PCID2: variants seen among roughly 807,000 people sequenced by gnomAD.
PCID2 encodes the protein PCI domain-containing protein 2.
In PCID2, 41 loss-of-function variants were observed where a neutral mutation model predicts 61.3. The observed-to-expected ratio is 0.67, with a 90% CI of 0.52 to 0.87. The LOEUF (loss-of-function observed/expected upper bound fraction) is 0.87, where lower values mean the gene tolerates loss of function less well. Ranked by LOEUF, PCID2 falls within the 40% of genes least tolerant of loss-of-function variation. The probability of loss-of-function intolerance (pLI) is 0.00; values close to 1 mark genes in which losing one functional copy is unlikely to be tolerated. For missense variants in PCID2, 392 were observed against 493.4 expected, an observed-to-expected ratio of 0.79 and a Z score of 1.95; for synonymous variants, 187 against 177.8, an observed-to-expected ratio of 1.05 and a Z score of -0.41.
chr13:113,179,880 C>A lies in PCID2; in HGVS notation c.986+37G>T. On this transcript the variant is annotated intron_variant, in intron 12 of 13. Transcript: ENST00000337344. The surrounding 1 kb of genome is among the most constrained non-coding windows in gnomAD (Gnocchi z 4.3). ...GGATGTCTGACTGCTCTGCCGAGAG[C>A]CACACTGGGAGCCCAATGTGCCGGG... 1 of 1,593,998 alleles carries A rather than the reference C, an allele frequency of 6.3e-7. No individual in the cohort carries two copies. Among genetic ancestry groups the A allele is most frequent in the Non-Finnish European group, 8.6e-7 (1 of 1,168,016 alleles).
intron 3 of PCID2, among the ~76,000 whole-genome samples, chr13:113,197,529 T>C (rs1483410591): frequency 1.3e-5 from 2 of 152,226 alleles, no homozygotes; most frequent in Non-Finnish European, 2.9e-5. Flanking sequence ...GGGCTGACAA[T>C]GACATTCAAA....
intron 7 of PCID2, chr13:113,188,468 C>T (rs1298602924): frequency 3.9e-5 from 6 of 152,266 alleles, no homozygotes; most frequent in African/African-American, 1.4e-4. Flanking sequence ...CAGCAGGATG[C>T]TAAGTGGAAG....
chr13:113,190,994 T>C lies in PCID2; in HGVS notation c.364-19A>G. On this transcript the variant is annotated intron_variant, in intron 6 of 13. Transcript: ENST00000337344. ...GATCTGCCTAATAAAATATAAGAAC[T>C]TTTATTTCATTTTTCCGAAGCAAGA... 6.4e-7 allele frequency: 1 copy of C among 1,558,472 alleles called. No homozygotes were observed. The highest frequency in any genetic ancestry group is 8.8e-7 in the Non-Finnish European group (1 of 1,131,886).
In PCID2 at chr13:113,197,185, T is replaced by C. The variant is rs1465322642; in HGVS notation, c.259A>G (p.Ile87Val). 6.2e-7 allele frequency: 1 copy of C among 1,614,210 alleles called. No individual in the cohort carries two copies. Among genetic ancestry groups the C allele is most frequent in the Non-Finnish European group, 8.5e-7 (1 of 1,180,040 alleles). ...ATGAACGACAAAGGATATTGGACTA[T>C]CACGGTCTGGCACTTGTATGCCTCT... is the stretch of plus-strand genomic sequence containing the variant. ...FIEAYKCQTV[I>V]VQSFLRAFQA... Residue 87 changes from isoleucine to valine, a missense_variant, in exon 4 of 14, where the codon ATA becomes GTA. Coordinates refer to ENST00000337344, the MANE Select transcript of PCID2 (RefSeq NM_001127202.4).
rs117252460 is a variant in PCID2, at chr13:113,202,645, C to T, written c.37-2129G>A. Reference sequence around the variant, plus strand: ...GTAAAAGAGTATGTATAGAATGCTGCGTCTTGTATAAGAATGAAGGGAAAC... The same window carrying T: ...GTAAAAGAGTATGTATAGAATGCTGTGTCTTGTATAAGAATGAAGGGAAAC... On this transcript the variant is annotated intron_variant, in intron 1 of 13. Transcript: ENST00000337344. Among the ~76,000 whole-genome samples, 381 of 152,174 alleles carry T rather than the reference C, an allele frequency of 2.5e-3. 6 individuals carry two copies. In the East Asian group the frequency reaches 0.046, roughly 18 times the overall value.
intron 1 of PCID2, among the ~76,000 whole-genome samples, chr13:113,207,528 G>A (rs1368326481): frequency 6.6e-6 from 1 of 152,194 alleles, no homozygotes; most frequent in East Asian, 1.9e-4. Context: ...AGATTGGCAA[G>A]TATAGAACTT....
the PCID2 span, chr13:113,165,266 C>T: frequency 1.3e-6 from 1 of 765,930 alleles, no homozygotes; most frequent in South Asian, 1.5e-5. Flanking sequence ...CCTCTATTCA[C>T]ACTTCCAACC....
chr13:113,178,888 C>T (rs930725508), intron 13 of PCID2, 78 bp downstream of exon 13: 3 of 1,453,660 alleles, frequency 2.1e-6, no homozygotes, highest in African/African-American at 2.8e-5. Flanking sequence ...AATTTTAACA[C>T]CACCACACTG....
rs144467272 is a variant in PCID2 at position 113,195,070 on chromosome 13, C to T, written c.363+1G>A. On this transcript the variant is annotated splice_donor_variant, in intron 6 of 13. Coordinates refer to ENST00000337344, the MANE Select transcript of PCID2 (RefSeq NM_001127202.4). LOFTEE classifies it high-confidence loss of function. ...TAATAATGACAGCAAATTAAACTTACATTATTGGCAAACACTCGAAGGTCA... is the reference window on the plus strand; with the variant it reads ...TAATAATGACAGCAAATTAAACTTATATTATTGGCAAACACTCGAAGGTCA... The T allele has an allele frequency of 3.1e-6, 5 of 1,594,172 alleles. No individual in the cohort carries two copies. Among genetic ancestry groups the T allele is most frequent in the Non-Finnish European group, 4.3e-6 (5 of 1,161,698 alleles).
At chr13:113,184,320 C>G (rs757548600) in intron 9 of PCID2, 26 bp downstream of exon 9, 1 of 1,593,560 alleles carries the variant, frequency 6.3e-7, no homozygotes, top group Admixed American at 1.7e-5. Context: ...ATTTAAAATA[C>G]TGGGAAAAAA....
chr13:113,171,922 C>T, the PCID2 span: 1 of 1,613,748 alleles, frequency 6.2e-7, no homozygotes. This position sits in a 1 kb window ranked among gnomAD's most constrained non-coding sequence, Gnocchi z 5.1. Context: ...CCAGGACCTA[C>T]TGTGAGAGAA....
At chr13:113,199,120 G>A (rs2039234274) in intron 2 of PCID2, among the ~76,000 whole-genome samples, 1 of 152,202 alleles carries the variant, frequency 6.6e-6, no homozygotes, top group South Asian at 2.1e-4. Context: ...GGAGTCCCCA[G>A]ACAATGTTAT....
chr13:113,174,790 G>A (rs2037163504), downstream of PCID2, among the ~76,000 whole-genome samples: 1 of 152,216 alleles, frequency 6.6e-6, no homozygotes, highest in Non-Finnish European at 1.5e-5. Flanking sequence ...AGCCTGTGAT[G>A]ATGTTTTAAA....
Position 113,185,561 on chromosome 13 carries a change from C to T in PCID2, c.468-1G>A. The T allele has an allele frequency of 1.9e-6, 3 of 1,593,132 alleles. No homozygotes were observed. The highest frequency in any genetic ancestry group is 1.7e-6 in the Non-Finnish European group (2 of 1,166,976). On this transcript the variant is annotated splice_acceptor_variant, in intron 7 of 13. Transcript: ENST00000337344. LOFTEE classifies it high-confidence loss of function. ...CTTAGAGTCCTCTATACCAGCACGG[C>T]TATGGGGAAATAATTTTTTTTAAGT...
intron 6 of PCID2, among the ~76,000 whole-genome samples, chr13:113,193,448 G>GT (rs2038772450): frequency 6.6e-6 from 1 of 152,190 alleles, no homozygotes; most frequent in Non-Finnish European, 1.5e-5. Flanking sequence ...CTGCAACAGA[G>GT]TAAGTGCAGA....
At chr13:113,171,618 C>T in the PCID2 span, 10 of 1,614,024 alleles carry the variant, frequency 6.2e-6, no homozygotes, top group Admixed American at 5.0e-5. This position sits in a 1 kb window ranked among gnomAD's most constrained non-coding sequence, Gnocchi z 5.1. Flanking sequence ...AGCCAAGACC[C>T]GCTGATGATC....
downstream of PCID2, among the ~76,000 whole-genome samples, chr13:113,174,305 G>A (rs1019491495): frequency 6.6e-6 from 1 of 151,504 alleles, no homozygotes; most frequent in African/African-American, 2.4e-5. Context: ...CCCTCCCTCC[G>A]TAATGGTGAA....
intron 9 of PCID2, chr13:113,183,863 T>C: frequency 1.0e-6 from 1 of 985,412 alleles, no homozygotes; most frequent in South Asian, 4.7e-5. Context: ...AGCTCTGTGG[T>C]AGCGACACAC....
chr13:113,191,010 C>T (rs748230423), intron 6 of PCID2, 35 bp from the exon 7 acceptor site: 60 of 1,505,994 alleles, frequency 4.0e-5, no homozygotes, highest in South Asian at 1.4e-4. Flanking sequence ...TTCATTTTTC[C>T]GAAGCAAGAT....
Sources: gnomAD v4.1 joint callset for allele counts (sites outside exome capture counted in the v4.1 genomes callset) on GRCh38, gnomAD v4.1.1 for gene constraint, Gnocchi (gnomAD v3.1) non-coding constraint, MANE v1.5 for transcripts, NCBI Gene and HGNC (gene_info 2026-07-23, HGNC 2026-07-21) for gene names.